ASAH1: variants seen among roughly 807,000 people sequenced by gnomAD.
ASAH1 encodes N-acylsphingosine amidohydrolase 1, also known as acid ceramidase.
A neutral mutation model predicts 59.5 loss-of-function variants in ASAH1; 70 were observed. The ratio of observed to expected loss-of-function variants is 1.18; its 90% CI spans 0.97 to 1.43. ASAH1 has a LOEUF of 1.43. ASAH1 is among the 40% of genes most tolerant of loss of function. The pLI is 0.00. For synonymous variants in ASAH1, 213 were observed against 166.5 expected, an observed-to-expected ratio of 1.28 and a Z score of -2.15; for missense variants, 660 against 482.5, an observed-to-expected ratio of 1.37 and a Z score of -3.45.
intron 7 of ASAH1, chr8:18,062,684 T>C: frequency 2.1e-6 from 1 of 482,930 alleles, no homozygotes; most frequent in South Asian, 2.1e-5. Flanking sequence ...CTAATTACAA[T>C]ATTCTTATTT....
At chr8:18,083,276 G>A (rs1451022644) in intron 1 of ASAH1, 1 of 152,274 alleles carries the variant, frequency 6.6e-6, no homozygotes, top group African/African-American at 2.4e-5. Flanking sequence ...CGGACGTTAC[G>A]CATGTTCAGT....
At chr8:18,083,296 T>C (rs1429007918) in intron 1 of ASAH1, 1 of 152,558 alleles carries the variant, frequency 6.6e-6, no homozygotes, top group Non-Finnish European at 1.5e-5. Flanking sequence ...TAAACAACAG[T>C]GTAACCTCTG....
At chr8:18,084,779 C>T (rs1330255906), upstream of ASAH1, 2 of 1,613,652 alleles carry the variant, frequency 1.2e-6, no homozygotes, top group East Asian at 2.2e-5. Flanking sequence ...AGCTTTCTCT[C>T]CCAGCCCGAT....
chr8:18,062,488 G>A (rs889897500), intron 7 of ASAH1, 65 bp from the exon 8 acceptor site: 20 of 1,569,326 alleles, frequency 1.3e-5, no homozygotes, highest in Non-Finnish European at 1.5e-5. Flanking sequence ...ACATGATGAT[G>A]AGGGCCAGGC....
rs972454905 is a variant in ASAH1, at chr8:18,062,084, G to C, written c.648+195C>G. 23 of 718,958 alleles carry C rather than the reference G, an allele frequency of 3.2e-5. No individual in the cohort carries two copies. The African/African-American group carries it at 4.1e-4, about 13-fold the overall frequency. 44.5% of individuals were successfully genotyped at this position (718,958 alleles called of 1,614,324 possible). On this transcript the variant is annotated intron_variant, in intron 8 of 13. Transcript: ENST00000637790. ...GCCACATGCTCTTTATCCCAGAAGA[G>C]GCTCAGAAACCTCCGTTTCCTTTCT...
chr8:18,072,839 T>C (rs1024284838), intron 2 of ASAH1, among the ~76,000 whole-genome samples: 1 of 152,304 alleles, frequency 6.6e-6, no homozygotes, highest in Admixed American at 6.5e-5. Context: ...CAGTGGCCTG[T>C]TGGAGATATG....
At chr8:18,059,150 G>C (rs964276259) in intron 12 of ASAH1, 191 bp downstream of exon 12, 5 of 869,598 alleles carry the variant, frequency 5.7e-6, no homozygotes, top group Middle Eastern at 2.7e-4. Context: ...ATTAGAACCA[G>C]AAAAGGAAAG....
chr8:18,069,069 A>T (rs933151067), intron 4 of ASAH1, among the ~76,000 whole-genome samples: 1 of 147,544 alleles, frequency 6.8e-6, no homozygotes, highest in African/African-American at 2.5e-5. Context: ...TGAGCCTGGG[A>T]GATCAAGGCA....
intron 13 of ASAH1, 63 bp downstream of exon 13, chr8:18,058,772 A>G (rs1323982609): frequency 3.2e-5 from 44 of 1,389,662 alleles, no homozygotes; most frequent in Non-Finnish European, 4.3e-5. Context: ...TAACAGAGAA[A>G]GATAAAACAT....
rs371008353 is a variant in ASAH1 at position 18,057,509 on chromosome 8, C to T, written c.*25G>A. On this transcript the variant is annotated 3_prime_UTR_variant, in exon 14 of 14. Coordinates refer to ENST00000637790, the MANE Select transcript of ASAH1 (RefSeq NM_177924.5). ...GATGGTGTCTTCATGTCTCAGAGGC[C>T]GCATTCTGTAGGCCAGACGTGTGCT... is the stretch of plus-strand genomic sequence containing the variant. The T allele has an allele frequency of 7.6e-5, 119 of 1,558,374 alleles. 2 individuals are homozygous for T. In the South Asian group the frequency reaches 8.1e-4, roughly 11 times the overall value.
At chr8:18,077,557 C>T (rs921350339) in intron 1 of ASAH1, among the ~76,000 whole-genome samples, 4 of 152,282 alleles carry the variant, frequency 2.6e-5, no homozygotes, top group South Asian at 4.1e-4. Context: ...GATCAGTTAT[C>T]GGTATGTTGA....
intron 7 of ASAH1, chr8:18,062,687 T>G (rs1321647937): frequency 1.3e-5 from 6 of 475,210 alleles, no homozygotes; most frequent in Middle Eastern, 6.0e-4. Flanking sequence ...ATTACAATAT[T>G]CTTATTTTTT....
rs1799509598 is a variant in ASAH1, at chr8:18,057,310, T to C, written c.*224A>G. On this transcript the variant is annotated 3_prime_UTR_variant, in exon 14 of 14. Coordinates refer to ENST00000637790, the MANE Select transcript of ASAH1 (RefSeq NM_177924.5). ...ACTCAGTGAATTCTAGATGACTGTTTTACTTCCCCTAAAGAAGTTATCTGT... is the reference window on the plus strand; with the variant it reads ...ACTCAGTGAATTCTAGATGACTGTTCTACTTCCCCTAAAGAAGTTATCTGT... 1 of 368,210 alleles carries C rather than the reference T, an allele frequency of 2.7e-6. No individual in the cohort carries two copies. The highest frequency in any genetic ancestry group is 2.2e-5 in the South Asian group (1 of 45,214). The allele number at this position is 368,210 out of a possible 1,614,324, so 22.8% of individuals were successfully genotyped here.
chr8:18,067,084 G>T, intron 5 of ASAH1, 136 bp downstream of exon 5: 2 of 187,114 alleles, frequency 1.1e-5, no homozygotes, highest in Admixed American at 6.4e-5. Flanking sequence ...TCACTGAGCT[G>T]TATATCTAAG....
chr8:18,084,817 C>T (rs367756509), upstream of ASAH1: 26 of 1,612,494 alleles, frequency 1.6e-5, no homozygotes, highest in Non-Finnish European at 2.0e-5. Flanking sequence ...GGCTGTGTTT[C>T]CTCCTAACTG....
chr8:18,079,244 G>A, intron 1 of ASAH1, among the ~76,000 whole-genome samples: 1 of 140,508 alleles, frequency 7.1e-6, no homozygotes. Flanking sequence ...CTGCACTCCA[G>A]CCTGGGAGAC....
intron 4 of ASAH1, among the ~76,000 whole-genome samples, chr8:18,069,281 G>A (rs12548139): frequency 0.43 from 65,393 of 151,788 alleles, 14,971 homozygotes; most frequent in Admixed American, 0.53. Context: ...CAACAAAAAC[G>A]GGGCTGAGAA....
At chr8:18,073,235 T>C in intron 2 of ASAH1, 1 of 1,564,376 alleles carries the variant, frequency 6.4e-7, no homozygotes, top group Non-Finnish European at 8.8e-7. Context: ...CATTTCCCCA[T>C]AAGAATAAAA....
At chr8:18,072,834 G>A (rs958600267) in intron 2 of ASAH1, among the ~76,000 whole-genome samples, 2 of 152,060 alleles carry the variant, frequency 1.3e-5, no homozygotes, top group African/African-American at 4.8e-5. Flanking sequence ...TAACTCAGTG[G>A]CCTGTTGGAG....
Sources: allele counts gnomAD v4.1 joint callset (sites outside exome capture counted in the v4.1 genomes callset), GRCh38; gene constraint gnomAD v4.1.1; transcripts MANE v1.5; gene names NCBI Gene and HGNC (gene_info 2026-07-23, HGNC 2026-07-21).